C4orf51: variants seen among roughly 807,000 people sequenced by gnomAD.
C4orf51 encodes the protein uncharacterized protein C4orf51.
A neutral mutation model predicts 25.2 loss-of-function variants in C4orf51; 25 were observed. The ratio of observed to expected loss-of-function variants is 0.99; its 90% CI spans 0.72 to 1.39. C4orf51 has a LOEUF of 1.39. C4orf51 is among the 40% of genes most tolerant of loss of function. The pLI, the probability that C4orf51 is intolerant of heterozygous loss-of-function variation, is 0.00. For missense variants in C4orf51, 252 were observed against 239.6 expected (o/e 1.05, Z -0.34); for synonymous variants, 100 against 84.5 (o/e 1.18, Z -1.01).
At chr4:145,782,612 A>G in the C4orf51 span, among the ~76,000 whole-genome samples, 1 of 152,182 alleles carries the variant, frequency 6.6e-6, no homozygotes, top group Non-Finnish European at 1.5e-5. Context: ...GTTCTCTGCT[A>G]TCAGACCCCT....
chr4:145,787,096 C>A, the C4orf51 span, among the ~76,000 whole-genome samples: 4 of 152,196 alleles, frequency 2.6e-5, no homozygotes, highest in Non-Finnish European at 4.4e-5. Context: ...CCTTTAAGGA[C>A]CATTACACTC....
chr4:145,768,575 C>T (rs1735673664), intron 1 of C4orf51, among the ~76,000 whole-genome samples: 2 of 152,036 alleles, frequency 1.3e-5, no homozygotes, highest in African/African-American at 4.8e-5. Flanking sequence ...TTTACAGATT[C>T]AACATGACCC....
chr4:145,701,638 G>T (rs2126705548), intron 2 of C4orf51, among the ~76,000 whole-genome samples: 1 of 151,588 alleles, frequency 6.6e-6, no homozygotes, highest in East Asian at 1.9e-4. Flanking sequence ...ACAGTGGAAG[G>T]TAAGTCCGTC....
the C4orf51 span, among the ~76,000 whole-genome samples, chr4:145,785,192 C>G: frequency 0.012 from 1,785 of 152,302 alleles, 120 homozygotes; most frequent in Admixed American, 0.1. Context: ...ACAAGGCTTT[C>G]AGCTCCTCCT....
the C4orf51 span, among the ~76,000 whole-genome samples, chr4:145,783,801 G>T: frequency 2.0e-5 from 3 of 152,240 alleles, no homozygotes; most frequent in African/African-American, 7.2e-5. Context: ...CAAGGATGGA[G>T]AAAGGGAAAG....
At chr4:145,755,964 A>G (rs1560872170), downstream of C4orf51, among the ~76,000 whole-genome samples, 3 of 152,210 alleles carry the variant, frequency 2.0e-5, no homozygotes, top group African/African-American at 4.8e-5. Context: ...TTCTGGAAGC[A>G]CTGATGAAAT....
chr4:145,715,775 G>T (rs2126736280), intron 2 of C4orf51, among the ~76,000 whole-genome samples: 1 of 152,278 alleles, frequency 6.6e-6, no homozygotes, highest in African/African-American at 2.4e-5. Context: ...CTACTAAAGG[G>T]ATGGTGGTCT....
At chr4:145,729,782 A>G in intron 4 of C4orf51, 110 bp from the exon 5 acceptor site, 1 of 829,840 alleles carries the variant, frequency 1.2e-6, no homozygotes, top group Non-Finnish European at 2.0e-6. Flanking sequence ...GTGTATGTGA[A>G]GGTTTGGATC....
chr4:145,725,531 A>C (rs1188462093), intron 2 of C4orf51, among the ~76,000 whole-genome samples: 2 of 152,192 alleles, frequency 1.3e-5, no homozygotes, highest in African/African-American at 4.8e-5. Context: ...TGGAAACCCT[A>C]ATGTCTGTTA....
chr4:145,688,040 C>T (rs1457910899), intron 1 of C4orf51, among the ~76,000 whole-genome samples: 1 of 137,180 alleles, frequency 7.3e-6, no homozygotes, highest in Non-Finnish European at 1.6e-5. Context: ...TTCATCTCTG[C>T]AAAAATCAAA....
chr4:145,770,299 AAAATAAATAAAT>A (rs150231954), intron 1 of C4orf51, among the ~76,000 whole-genome samples: 4,159 of 87,202 alleles, frequency 0.048, 109 homozygotes, highest in African/African-American at 0.06. Flanking sequence ...ACCCTGTCTT[AAAATAAATAAAT>A]AAATAAATAA....
downstream of C4orf51, among the ~76,000 whole-genome samples, chr4:145,734,840 C>A (rs959202630): frequency 6.6e-5 from 10 of 152,182 alleles, no homozygotes; most frequent in Non-Finnish European, 1.3e-4. Context: ...GTCAAGGCAG[C>A]CTGTGACTCA....
At chr4:145,776,132 G>A in the C4orf51 span, among the ~76,000 whole-genome samples, 1 of 152,094 alleles carries the variant, frequency 6.6e-6, no homozygotes, top group Non-Finnish European at 1.5e-5. Flanking sequence ...TACCCAGCAG[G>A]TCACTCCTGT....
the C4orf51 span, among the ~76,000 whole-genome samples, chr4:145,787,235 C>T: frequency 1.3e-5 from 2 of 152,122 alleles, no homozygotes; most frequent in South Asian, 2.1e-4. Context: ...GAGGCCGAGG[C>T]GTGTGGATCA....
intron 1 of C4orf51, among the ~76,000 whole-genome samples, chr4:145,685,700 G>A (rs964888638): frequency 3.9e-5 from 6 of 152,156 alleles, no homozygotes; most frequent in Non-Finnish European, 7.3e-5. Flanking sequence ...AGGGTGTGGC[G>A]GCGGGCCGTC....
At chr4:145,753,321 G>T (rs578187720) in intron 1 of C4orf51, among the ~76,000 whole-genome samples, 2 of 151,476 alleles carry the variant, frequency 1.3e-5, no homozygotes, top group South Asian at 4.3e-4. Context: ...CTTCCTTCTG[G>T]GTGGTCCCAC....
intron 2 of C4orf51, among the ~76,000 whole-genome samples, chr4:145,703,993 A>G (rs907006593): frequency 6.6e-6 from 1 of 152,164 alleles, no homozygotes; most frequent in Non-Finnish European, 1.5e-5. Context: ...TAAAAGCCCA[A>G]CTTCCCAATG....
At chr4:145,681,581 A>G (rs11944150) in intron 1 of C4orf51, among the ~76,000 whole-genome samples, 31,949 of 152,130 alleles carry the variant, frequency 0.21, 3,592 homozygotes, top group East Asian at 0.46. Flanking sequence ...TTCTGCTTCT[A>G]TAACACAATA....
chr4:145,744,865 G>A (rs963699804), intron 1 of C4orf51, among the ~76,000 whole-genome samples: 8 of 144,562 alleles, frequency 5.5e-5, no homozygotes, highest in African/African-American at 2.0e-4. Context: ...AAAAAAAAAA[G>A]AGAGATGGGA....
Sources: gnomAD v4.1 joint callset for allele counts (sites outside exome capture counted in the v4.1 genomes callset) on GRCh38, gnomAD v4.1.1 for gene constraint, MANE v1.5 for transcripts, NCBI Gene and HGNC (gene_info 2026-07-23, HGNC 2026-07-21) for gene names.